The following PPARGC1A variants were observed in gnomAD, a reference collection of about 807,000 sequenced individuals.
PPARGC1A encodes peroxisome proliferator-activated receptor gamma coactivator 1-alpha.
In PPARGC1A, 25 loss-of-function variants were observed where a neutral mutation model predicts 88.7. The ratio of observed to expected loss-of-function variants is 0.28; its 90% CI spans 0.21 to 0.39. The LOEUF (loss-of-function observed/expected upper bound fraction) is 0.39. Ranked by LOEUF, PPARGC1A falls within the 10% of genes least tolerant of loss-of-function variation. PPARGC1A has a pLI of 1.00. For missense variants in PPARGC1A, 880 were observed against 968.7 expected (o/e 0.91, Z 1.22); for synonymous variants, 363 against 355.6 (o/e 1.02, Z -0.24).
At chr4:23,824,195 TAGAC>T (rs989266309) in intron 7 of PPARGC1A, 81 bp downstream of exon 7, 19 of 1,152,642 alleles carry the variant, frequency 1.6e-5, no homozygotes, top group African/African-American at 3.0e-5. Context: ...ATTAACCACA[TAGAC>T]AGTACACTCT....
the PPARGC1A span, among the ~76,000 whole-genome samples, chr4:24,013,639 T>C: frequency 6.6e-6 from 1 of 152,302 alleles, no homozygotes; most frequent in East Asian, 1.9e-4. Context: ...AATATTCCCT[T>C]GCTGTCATAT....
the PPARGC1A span, among the ~76,000 whole-genome samples, chr4:24,413,687 G>A: frequency 3.3e-5 from 5 of 152,268 alleles, no homozygotes; most frequent in Admixed American, 2.6e-4. Context: ...CCTTCTTTCC[G>A]CTGCTGGCTT....
the PPARGC1A span, among the ~76,000 whole-genome samples, chr4:23,926,471 G>T: frequency 3.9e-5 from 6 of 152,030 alleles, no homozygotes; most frequent in African/African-American, 1.4e-4. Context: ...TCTAAAACTT[G>T]ACTCTGGCTA....
At chr4:23,866,939 T>A (rs923701543) in intron 2 of PPARGC1A, among the ~76,000 whole-genome samples, 1 of 152,200 alleles carries the variant, frequency 6.6e-6, no homozygotes. Context: ...CGGAGTGCAA[T>A]GTAGACGGGA....
intron 2 of PPARGC1A, among the ~76,000 whole-genome samples, chr4:23,849,122 C>T (rs1046059922): frequency 9.2e-5 from 14 of 152,172 alleles, no homozygotes; most frequent in African/African-American, 2.6e-4. Context: ...CCAGCCTGGG[C>T]GACAGAGTGA....
the PPARGC1A span, among the ~76,000 whole-genome samples, chr4:24,247,923 T>C: frequency 2.0e-5 from 3 of 152,070 alleles, no homozygotes; most frequent in Non-Finnish European, 4.4e-5. Flanking sequence ...TGCCCTGCTT[T>C]CCCCCACCTA....
At chr4:24,143,229 G>A in the PPARGC1A span, among the ~76,000 whole-genome samples, 1 of 152,234 alleles carries the variant, frequency 6.6e-6, no homozygotes, top group African/African-American at 2.4e-5. Flanking sequence ...AACATTTATG[G>A]AGAGTCTGCT....
the PPARGC1A span, among the ~76,000 whole-genome samples, chr4:24,427,284 T>A: frequency 8.8e-6 from 1 of 113,770 alleles, no homozygotes; most frequent in Admixed American, 9.1e-5. Flanking sequence ...CTTTATTTAT[T>A]TTTTTTTTTT....
chr4:24,392,477 T>A, the PPARGC1A span, among the ~76,000 whole-genome samples: 1 of 152,200 alleles, frequency 6.6e-6, no homozygotes, highest in African/African-American at 2.4e-5. Context: ...CTATTTTTTA[T>A]AGAAAGCAGC....
the PPARGC1A span, among the ~76,000 whole-genome samples, chr4:24,346,203 A>G: frequency 6.6e-6 from 1 of 152,056 alleles, no homozygotes; most frequent in Non-Finnish European, 1.5e-5. Context: ...TAAGGATTTT[A>G]GCATCTATGT....
At chr4:24,228,235 C>T in the PPARGC1A span, among the ~76,000 whole-genome samples, 21 of 152,140 alleles carry the variant, frequency 1.4e-4, no homozygotes, top group Non-Finnish European at 2.9e-4. Context: ...AAAGATGATG[C>T]CATTTTAGCT....
chr4:24,435,493 T>C, the PPARGC1A span, among the ~76,000 whole-genome samples: 1 of 152,166 alleles, frequency 6.6e-6, no homozygotes, highest in Non-Finnish European at 1.5e-5. Flanking sequence ...CATGGCTCCC[T>C]GGAGGAAGCT....
the PPARGC1A span, among the ~76,000 whole-genome samples, chr4:24,388,343 G>A: frequency 1.3e-5 from 2 of 152,210 alleles, no homozygotes; most frequent in Non-Finnish European, 2.9e-5. Context: ...AGGATGTGGA[G>A]TAATAGGAAC....
the PPARGC1A span, among the ~76,000 whole-genome samples, chr4:24,369,665 C>T: frequency 2.0e-5 from 3 of 152,126 alleles, no homozygotes; most frequent in East Asian, 3.8e-4. Context: ...GGGAGCGTGC[C>T]ATGCTTTTTT....
chr4:24,114,153 GGA>G, the PPARGC1A span, among the ~76,000 whole-genome samples: 5 of 149,516 alleles, frequency 3.3e-5, no homozygotes, highest in African/African-American at 1.2e-4. Flanking sequence ...AAAGAGGGAT[GGA>G]AAGAACCCTG....
At chr4:24,200,542 C>T in the PPARGC1A span, among the ~76,000 whole-genome samples, 2 of 148,690 alleles carry the variant, frequency 1.3e-5, no homozygotes, top group Admixed American at 1.4e-4. Flanking sequence ...ATTATAAAAA[C>T]ACATGTAGCT....
At chr4:23,896,875 C>T (rs1409653481) in intron 1 of PPARGC1A, among the ~76,000 whole-genome samples, 1 of 152,136 alleles carries the variant, frequency 6.6e-6, no homozygotes, top group Non-Finnish European at 1.5e-5. Context: ...GGAGACATGG[C>T]TTCCACTGGA....
intron 7 of PPARGC1A, among the ~76,000 whole-genome samples, chr4:23,821,005 C>G (rs1456843178): frequency 6.6e-6 from 1 of 152,152 alleles, no homozygotes; most frequent in African/African-American, 2.4e-5. Context: ...TTGCCACCCA[C>G]CTGCTGCACC....
the PPARGC1A span, among the ~76,000 whole-genome samples, chr4:24,422,602 C>T: frequency 6.7e-6 from 1 of 149,280 alleles, no homozygotes; most frequent in Admixed American, 6.7e-5. Context: ...AGTGAATATG[C>T]CTTTTATTGT....
Sources: gnomAD v4.1 joint callset for allele counts (sites outside exome capture counted in the v4.1 genomes callset) on GRCh38, gnomAD v4.1.1 for gene constraint, MANE v1.5 for transcripts, NCBI Gene and HGNC (gene_info 2026-07-23, HGNC 2026-07-21) for gene names.